The following FLVCR1 variants were observed in gnomAD, a reference collection of about 807,000 sequenced individuals.
The protein encoded by FLVCR1 is choline/ethanolamine transporter FLVCR1.
FLVCR1 carries 34 observed loss-of-function variants against 53.6 expected under a neutral mutation model. The observed-to-expected ratio is 0.63, with a 90% confidence interval of 0.48 to 0.84. FLVCR1 has a LOEUF of 0.84. Among genes scored for constraint, FLVCR1 ranks in the 40% least tolerant of loss-of-function variants. FLVCR1 has a pLI of 0.00. For missense variants in FLVCR1, 677 were observed against 696.7 expected (o/e 0.97, Z 0.32); for synonymous variants, 300 against 286.3 (o/e 1.05, Z -0.48).
intron 3 of FLVCR1, among the ~76,000 whole-genome samples, chr1:212,876,434 C>T (rs1033875029): frequency 8.0e-5 from 12 of 150,548 alleles, no homozygotes; most frequent in South Asian, 2.1e-4. Flanking sequence ...CACACAATCT[C>T]GGCTCACTGC....
intron 1 of FLVCR1, 42 bp downstream of exon 1, chr1:212,859,232 A>C (rs1413380679): frequency 1.9e-6 from 3 of 1,613,646 alleles, no homozygotes; most frequent in Non-Finnish European, 2.5e-6. Flanking sequence ...TCCTTAAAAG[A>C]CCGGAAAAAG....
intron 2 of FLVCR1, chr1:212,864,531 A>G (rs1312747232): frequency 6.6e-6 from 1 of 152,550 alleles, no homozygotes; most frequent in African/African-American, 2.4e-5. Context: ...TCTGCTTTTT[A>G]AAGTTTATTT....
chr1:212,859,718 AAAT>A (rs908075287), intron 1 of FLVCR1, among the ~76,000 whole-genome samples: 1 of 150,022 alleles, frequency 6.7e-6, no homozygotes, highest in Non-Finnish European at 1.5e-5. Flanking sequence ...ACTCTGTCTC[AAAT>A]AATAATAATA....
rs947388897 is a variant in FLVCR1 at position 212,888,628 on chromosome 1, T to G, written c.1413+34T>G. 8.4e-6 allele frequency: 11 copies of G among 1,314,512 alleles called. 1 individual carries two copies. The highest frequency in any genetic ancestry group is 1.2e-5 in the Non-Finnish European group (11 of 907,272). 81.4% of individuals were successfully genotyped at this position (1,314,512 alleles called of 1,614,324 possible). On this transcript the variant is annotated intron_variant, in intron 7 of 9. Transcript: ENST00000366971. The stretch of plus-strand genomic sequence containing the variant: ...CTGATTTCTCTAAACCTGAGATGAT[T>G]ATTATACCAGATATTCTAGTGAGTA...
In FLVCR1 at chr1:212,895,044, T is replaced by G; in HGVS notation, c.1584T>G (p.Asp528Glu). ...TAAATATAGGAATTACAAATGTTGATGTTAAAGCTGTAAGTAATATTTTTA... is the reference window on the plus strand; with the variant it reads ...TAAATATAGGAATTACAAATGTTGAGGTTAAAGCTGTAAGTAATATTTTTA... The part of the protein sequence containing the change: ...HNINIGITNV[D>E]VKAIPADSPT... Residue 528 changes from aspartate (D) to glutamate (E), a missense_variant, in exon 9 of 10, where the codon GAT becomes GAG. Physicochemically the swap from Asp to Glu is conservative, Grantham distance 45. Coordinates refer to ENST00000366971, the MANE Select transcript of FLVCR1 (RefSeq NM_014053.4). 6.4e-7 allele frequency: 1 copy of G among 1,558,246 alleles called. No homozygotes were observed. The highest frequency in any genetic ancestry group is 1.4e-5 in the African/African-American group (1 of 74,040).
chr1:212,885,306 A>G lies in FLVCR1; in HGVS notation c.1106A>G (p.Asn369Ser), dbSNP rs1665030067. The change falls in exon 5 of 10, where the codon AAT (asparagine) becomes AGT (serine). Residue 369 changes from asparagine to serine, a missense_variant. Coordinates refer to ENST00000366971, the MANE Select transcript of FLVCR1 (RefSeq NM_014053.4). ...AATTTTTTTCAGGGAGAAGAAGTCA[A>G]TGCTGGAAGGATTGGGCTAACGCTA... ...ILTYYEGEEV[N>S]AGRIGLTLVV... 6.2e-7 allele frequency: 1 copy of G among 1,613,992 alleles called. No individual in the cohort carries two copies. Among genetic ancestry groups the G allele is most frequent in the Non-Finnish European group, 8.5e-7 (1 of 1,179,906 alleles).
Position 212,897,660 on chromosome 1 carries a change from C to T in FLVCR1, c.*2370C>T, listed in dbSNP as rs1012454373. The T allele has an allele frequency of 3.9e-5, 6 of 152,274 alleles. No homozygotes were observed. The highest frequency in any genetic ancestry group is 1.2e-4 in the African/African-American group (5 of 41,448). The allele number at this position is 152,274 out of a possible 1,614,324, so 9.4% of individuals were successfully genotyped here. A position where few individuals can be genotyped will look rare whatever the true frequency, so the allele number is the denominator to read the frequency against. On this transcript the variant is annotated 3_prime_UTR_variant, in exon 10 of 10. Transcript: ENST00000366971. ...TGGGGAGCCCTCAGGGAGCTTTACTCATGGTGAAAGGCTAAGTGGGAGCAG... is the reference window on the plus strand; with the variant it reads ...TGGGGAGCCCTCAGGGAGCTTTACTTATGGTGAAAGGCTAAGTGGGAGCAG...
Position 212,889,194 on chromosome 1 carries a change from T to TA in FLVCR1, c.1463dup (p.Tyr488Ter). 1 of 1,613,966 alleles carries TA rather than the reference T, an allele frequency of 6.2e-7. No individual in the cohort carries two copies. Among genetic ancestry groups the TA allele is most frequent in the Non-Finnish European group, 8.5e-7 (1 of 1,179,876 alleles). ...TLAQGKLTSD[Y>*]GPKAGNIFLC... ...GGCTCAAGGAAAGCTCACATCAGAC[T>TA]ATGGTCCTAAGGCAGGGAACATTTT... The change falls in exon 8 of 10, where the codon TAT becomes TAAT. Residue 488 changes from tyrosine (Y) to a stop codon, truncating the protein, a stop_gained and frameshift_variant. Transcript: ENST00000366971. LOFTEE classifies it high-confidence loss of function.
chr1:212,859,444 G>A (rs1357920778), intron 1 of FLVCR1, among the ~76,000 whole-genome samples: 1 of 152,158 alleles, frequency 6.6e-6, no homozygotes, highest in East Asian at 1.9e-4. Context: ...TGGGCCGGGC[G>A]CGGTGGCACA....
intron 3 of FLVCR1, among the ~76,000 whole-genome samples, chr1:212,874,526 CTTTTTTTTT>C (rs61497441): frequency 8.3e-6 from 1 of 120,880 alleles, no homozygotes; most frequent in African/African-American, 3.2e-5. Flanking sequence ...TTCTTTTTTT[CTTTTTTTTT>C]TTTTTTTTTT....
chr1:212,885,178 G>C, intron 4 of FLVCR1, 115 bp from the exon 5 acceptor site: 3 of 776,972 alleles, frequency 3.9e-6, no homozygotes, highest in Non-Finnish European at 2.3e-6. Flanking sequence ...TCTTCCTACT[G>C]TGTGCTTAGT....
intron 2 of FLVCR1, among the ~76,000 whole-genome samples, chr1:212,868,646 T>C (rs963492081): frequency 3.3e-5 from 5 of 152,118 alleles, no homozygotes; most frequent in African/African-American, 9.7e-5. Context: ...TGACCTCAGG[T>C]GATCCGCTTG....
intron 3 of FLVCR1, among the ~76,000 whole-genome samples, chr1:212,877,443 G>A (rs1023713768): frequency 6.6e-6 from 1 of 152,082 alleles, no homozygotes; most frequent in Non-Finnish European, 1.5e-5. Flanking sequence ...TCGATGTCCT[G>A]ACCTCATGAT....
At chr1:212,877,865 T>A (rs973593871) in intron 3 of FLVCR1, among the ~76,000 whole-genome samples, 1 of 152,178 alleles carries the variant, frequency 6.6e-6, no homozygotes, top group African/African-American at 2.4e-5. Flanking sequence ...GGATATTTAT[T>A]GTCATCACTT....
At position 212,883,396 on chromosome 1, in the gene FLVCR1, A is replaced by G; in HGVS notation, c.1050A>G (p.Ser350=). ...TYGIMTGAFY[S]VSTLLNQMIL... ...GTATCATGACTGGTGCCTTTTATTC[A>G]GTCTCAACGTTATTAAATCAAATGA... Residue 350 remains serine (S), a synonymous_variant, in exon 4 of 10, where the codon TCA becomes TCG. Transcript: ENST00000366971. The G allele has an allele frequency of 1.3e-6, 2 of 1,574,070 alleles. No individual in the cohort carries two copies. The highest frequency in any genetic ancestry group is 2.2e-5 in the East Asian group (1 of 44,628).
chr1:212,864,975 C>A (rs1558108552), intron 2 of FLVCR1, among the ~76,000 whole-genome samples: 1 of 152,104 alleles, frequency 6.6e-6, no homozygotes, highest in Admixed American at 6.6e-5. Context: ...AGTATTCAAA[C>A]ATGTGTAATC....
intron 2 of FLVCR1, chr1:212,870,238 A>G (rs180709382): frequency 3.9e-5 from 6 of 152,342 alleles, no homozygotes; most frequent in East Asian, 1.9e-4. Context: ...ATCTGTAAAA[A>G]GAAAAGTATA....
chr1:212,861,011 C>T (rs1014867413), intron 1 of FLVCR1, among the ~76,000 whole-genome samples: 1 of 152,192 alleles, frequency 6.6e-6, no homozygotes, highest in Non-Finnish European at 1.5e-5. Flanking sequence ...CGCATTCATC[C>T]AGCGTGGTCT....
chr1:212,867,278 T>C (rs745666380), intron 2 of FLVCR1, among the ~76,000 whole-genome samples: 30 of 152,364 alleles, frequency 2.0e-4, no homozygotes, highest in East Asian at 1.9e-4. Flanking sequence ...AATTTCACAC[T>C]AATACCCTAT....
Sources: allele counts gnomAD v4.1 joint callset (sites outside exome capture counted in the v4.1 genomes callset), GRCh38; gene constraint gnomAD v4.1.1; transcripts MANE v1.5; gene names NCBI Gene and HGNC (gene_info 2026-07-23, HGNC 2026-07-21).